Variants in SLIT2 observed in about 807,000 individuals in gnomAD.
SLIT2 encodes slit guidance ligand 2.
A neutral mutation model predicts 185.7 loss-of-function variants in SLIT2; 41 were observed. That is an observed-to-expected ratio of 0.22 (90% CI 0.17 to 0.29). The LOEUF (loss-of-function observed/expected upper bound fraction) is 0.29, where lower values mean the gene tolerates loss of function less well. Ranked by LOEUF, SLIT2 falls within the 10% of genes least tolerant of loss-of-function variation. The pLI, the probability that SLIT2 is intolerant of heterozygous loss-of-function variation, is 1.00. For synonymous variants in SLIT2, 693 were observed against 680.2 expected (o/e 1.02, Z -0.29); for missense variants, 1,571 against 1,909.0 (o/e 0.82, Z 3.30).
chr4:20,465,597 A>G (rs903602600), intron 4 of SLIT2, among the ~76,000 whole-genome samples: 1 of 152,194 alleles, frequency 6.6e-6, no homozygotes, highest in Non-Finnish European at 1.5e-5. Context: ...GCTCTGAGCA[A>G]GACACTCTAA....
chr4:20,325,468 GA>G lies in SLIT2; in HGVS notation c.395+56592del, dbSNP rs1719498014. ...AAAAAAAAAAAAAGAATAGAAAGTA[GA>G]AAAAGCCTAGGCTTAATAAATGCCC... On this transcript the variant is annotated intron_variant, in intron 4 of 36. Transcript: ENST00000504154. Among the ~76,000 whole-genome samples the G allele has an allele frequency of 3.3e-5, 5 of 150,128 alleles. No individual in the cohort carries two copies. The East Asian group carries it at 7.9e-4, about 24-fold the overall frequency.
intron 4 of SLIT2, among the ~76,000 whole-genome samples, chr4:20,386,448 C>CT (rs1208925819): frequency 6.6e-6 from 1 of 152,152 alleles, no homozygotes; most frequent in East Asian, 1.9e-4. Context: ...CTTAAACTAT[C>CT]TTAAACATAA....
At chr4:20,354,206 A>G (rs537815168) in intron 4 of SLIT2, among the ~76,000 whole-genome samples, 194 of 150,982 alleles carry the variant, frequency 1.3e-3, no homozygotes, top group Non-Finnish European at 2.4e-3. Flanking sequence ...ACGGAAAGGT[A>G]GGTTTTTTTT....
intron 25 of SLIT2, among the ~76,000 whole-genome samples, chr4:20,551,711 G>T (rs1436958746): frequency 6.6e-6 from 1 of 152,046 alleles, no homozygotes; most frequent in African/African-American, 2.4e-5. Context: ...CAGTTTCCTA[G>T]AAGAGATTGC....
At chr4:20,458,271 T>C (rs1713311675) in intron 4 of SLIT2, among the ~76,000 whole-genome samples, 1 of 151,940 alleles carries the variant, frequency 6.6e-6, no homozygotes, top group Non-Finnish European at 1.5e-5. Flanking sequence ...GTCCAGAGAG[T>C]GTATACACTC....
chr4:20,353,560 C>G (rs908567847), intron 4 of SLIT2, among the ~76,000 whole-genome samples: 3 of 151,972 alleles, frequency 2.0e-5, no homozygotes, highest in African/African-American at 7.3e-5. Context: ...TTATGTAGAA[C>G]AGGCTGCATA....
At chr4:20,292,880 A>G (rs1344189680) in intron 4 of SLIT2, among the ~76,000 whole-genome samples, 2 of 152,340 alleles carry the variant, frequency 1.3e-5, no homozygotes, top group East Asian at 3.9e-4. Flanking sequence ...GAGTATTGAT[A>G]CAATGATAAT....
At chr4:20,292,837 A>G (rs927537260) in intron 4 of SLIT2, among the ~76,000 whole-genome samples, 2 of 152,090 alleles carry the variant, frequency 1.3e-5, no homozygotes, top group Non-Finnish European at 2.9e-5. Flanking sequence ...TATATGATTG[A>G]GTAATGATAC....
intron 4 of SLIT2, among the ~76,000 whole-genome samples, chr4:20,296,601 G>A (rs1012333723): frequency 3.3e-5 from 5 of 152,172 alleles, no homozygotes; most frequent in African/African-American, 1.2e-4. Flanking sequence ...ATAAGCCTCA[G>A]GAAGTAACCA....
chr4:20,437,899 A>G (rs1460487504), intron 4 of SLIT2, among the ~76,000 whole-genome samples: 5 of 132,478 alleles, frequency 3.8e-5, no homozygotes, highest in East Asian at 4.4e-4. Context: ...TGGGTGACAG[A>G]GCGAGACTCC....
Position 20,523,835 on chromosome 4 carries a change from C to T in SLIT2, c.1206C>T (p.Ser402=). 1 of 1,613,982 alleles carries T rather than the reference C, an allele frequency of 6.2e-7. No homozygotes were observed. Among genetic ancestry groups the T allele is most frequent in the Non-Finnish European group, 8.5e-7 (1 of 1,179,878 alleles). The change falls in exon 13 of 37, where the codon TCC becomes TCT. Residue 402 remains serine (S), a synonymous_variant. Transcript: ENST00000504154. ...ATCTCCACAACTTGAACCTTCTCTCCCTATATGACAACAAGCTTCAGACCA... is the reference window on the plus strand; with the variant it reads ...ATCTCCACAACTTGAACCTTCTCTCTCTATATGACAACAAGCTTCAGACCA... The part of the protein sequence containing the change: ...FQDLHNLNLL[S]LYDNKLQTIA...
intron 4 of SLIT2, among the ~76,000 whole-genome samples, chr4:20,378,365 C>T (rs1724208316): frequency 6.6e-6 from 1 of 152,084 alleles, no homozygotes; most frequent in Non-Finnish European, 1.5e-5. Flanking sequence ...TTACAGTTTA[C>T]ATATTTCTTC....
intron 4 of SLIT2, among the ~76,000 whole-genome samples, chr4:20,461,048 G>T (rs894207432): frequency 6.6e-6 from 1 of 152,168 alleles, no homozygotes; most frequent in South Asian, 2.1e-4. Flanking sequence ...ATAAGCAAAT[G>T]GAGAGAGAGG....
intron 4 of SLIT2, among the ~76,000 whole-genome samples, chr4:20,465,820 C>T (rs1056611478): frequency 6.6e-6 from 1 of 152,130 alleles, no homozygotes; most frequent in Non-Finnish European, 1.5e-5. Context: ...AAAACTGTGC[C>T]TAGGGACTGA....
chr4:20,572,115 C>T (rs542074349), intron 29 of SLIT2, among the ~76,000 whole-genome samples: 1 of 152,326 alleles, frequency 6.6e-6, no homozygotes, highest in South Asian at 2.1e-4. Context: ...GGAGAAAATT[C>T]TCTGCTCTTT....
intron 8 of SLIT2, chr4:20,490,901 G>A: frequency 1.9e-6 from 2 of 1,043,654 alleles, no homozygotes; most frequent in Admixed American, 2.0e-5. Context: ...CTGGCTTGCA[G>A]CCTCTTCCTG....
At chr4:20,570,941 C>T (rs568442685) in intron 29 of SLIT2, among the ~76,000 whole-genome samples, 2 of 151,880 alleles carry the variant, frequency 1.3e-5, no homozygotes, top group South Asian at 2.1e-4. Flanking sequence ...GTCTTTGTCT[C>T]ACCTGCTCAC....
chr4:20,529,064 A>G lies in SLIT2; in HGVS notation c.1578A>G (p.Lys526=). The change falls in exon 16 of 37, where the codon AAA becomes AAG. Residue 526 remains lysine (K), a synonymous_variant. Coordinates refer to ENST00000504154, the MANE Select transcript of SLIT2 (RefSeq NM_004787.4). ...ATTGCTCTAATCAAAAGCTCAACAA[A>G]ATCCCGGAGCACATTCCCCAGTACA... ...TVDCSNQKLN[K]IPEHIPQYTA... is the part of the protein sequence containing the mutation. 1 of 1,613,880 alleles carries G rather than the reference A, an allele frequency of 6.2e-7. No homozygotes were observed. The highest frequency in any genetic ancestry group is 8.5e-7 in the Non-Finnish European group (1 of 1,179,860).
At chr4:20,483,926 A>G (rs1156863212) in intron 6 of SLIT2, among the ~76,000 whole-genome samples, 1 of 152,108 alleles carries the variant, frequency 6.6e-6, no homozygotes, top group African/African-American at 2.4e-5. Context: ...AATTTTAAAA[A>G]TAATTTTGTT....
Sources: allele counts gnomAD v4.1 joint callset (sites outside exome capture counted in the v4.1 genomes callset), GRCh38; gene constraint gnomAD v4.1.1; transcripts MANE v1.5; gene names NCBI Gene and HGNC (gene_info 2026-07-23, HGNC 2026-07-21).